ENPEP: variants seen among roughly 807,000 people sequenced by gnomAD.
ENPEP encodes AP-A.
In ENPEP, 103 loss-of-function variants were observed where a neutral mutation model predicts 114.5. The ratio of observed to expected loss-of-function variants is 0.90; its 90% CI spans 0.77 to 1.06. The LOEUF is 1.06. ENPEP is among the 50% of genes least tolerant of loss of function. ENPEP has a pLI of 0.00. For missense variants in ENPEP, 1,196 were observed against 1,161.3 expected, an observed-to-expected ratio of 1.03 and a Z score of -0.43; for synonymous variants, 420 against 422.0, an observed-to-expected ratio of 1.00 and a Z score of 0.06.
chr4:110,536,377 G>A (rs1726626630), intron 11 of ENPEP, among the ~76,000 whole-genome samples: 1 of 152,036 alleles, frequency 6.6e-6, no homozygotes, highest in African/African-American at 2.4e-5. Context: ...TCCTTCTTAT[G>A]GCTTTACCAT....
At chr4:110,557,466 G>A (rs985586202) in intron 18 of ENPEP, among the ~76,000 whole-genome samples, 7 of 152,180 alleles carry the variant, frequency 4.6e-5, no homozygotes, top group African/African-American at 1.7e-4. Context: ...AGGGAACAGA[G>A]GTTTTTAAAG....
Position 110,563,470 on chromosome 4 carries a change from C to G in ENPEP, c.*1912C>G, listed in dbSNP as rs1727740381. On this transcript the variant is annotated 3_prime_UTR_variant, in exon 20 of 20. Transcript: ENST00000265162. ...TTGTATGTACTTTGTCAGAATAAGTCTTCTAGACCATCAGGTCCTTCTCAA... is the reference window on the plus strand; with the variant it reads ...TTGTATGTACTTTGTCAGAATAAGTGTTCTAGACCATCAGGTCCTTCTCAA... 1 of 152,120 alleles carries G rather than the reference C, an allele frequency of 6.6e-6. No homozygotes were observed. Among genetic ancestry groups the G allele is most frequent in the Non-Finnish European group, 1.5e-5 (1 of 68,002 alleles). 9.4% of individuals were successfully genotyped at this position (152,120 alleles called of 1,614,324 possible).
chr4:110,508,605 A>G (rs532072514), intron 4 of ENPEP, among the ~76,000 whole-genome samples: 22 of 152,244 alleles, frequency 1.4e-4, no homozygotes, highest in African/African-American at 5.1e-4. Flanking sequence ...AGGTCAGGAG[A>G]TGGAGACCAT....
In ENPEP at chr4:110,561,528, A is replaced by G. The variant is rs751633177; in HGVS notation, c.2844A>G (p.Glu948=). ...AACAACATAGAAACACCATCAGAGA[A>G]TGGTTTTTTAATTTACTTGAGAGTG... ...WLKQHRNTIR[E]WFFNLLESG Residue 948 remains glutamate, a synonymous_variant, in exon 20 of 20, where the codon GAA becomes GAG. Coordinates refer to ENST00000265162, the MANE Select transcript of ENPEP (RefSeq NM_001977.4). 1 of 1,613,690 alleles carries G rather than the reference A, an allele frequency of 6.2e-7. No individual in the cohort carries two copies. The highest frequency in any genetic ancestry group is 8.5e-7 in the Non-Finnish European group (1 of 1,179,816).
chr4:110,513,319 T>C (rs1725647529), intron 6 of ENPEP, 96 bp from the exon 7 acceptor site: 1 of 1,361,378 alleles, frequency 7.3e-7, no homozygotes. Context: ...GTCATTTATA[T>C]TTATTTTCCT....
At chr4:110,508,932 A>G (rs1237419141) in intron 4 of ENPEP, among the ~76,000 whole-genome samples, 1 of 152,254 alleles carries the variant, frequency 6.6e-6, no homozygotes, top group Non-Finnish European at 1.5e-5. Flanking sequence ...TAATAAAGAA[A>G]TTACATTCTG....
rs199991890 is a variant in ENPEP at position 110,513,476 on chromosome 4, C to T, written c.1370C>T (p.Ser457Leu). ...CAAGAGGATGATTCTTTGATGTCTT[C>T]GCATCCAATTATTGTGACTGTGACA... Reference protein sequence around the residue: ...PVQEDDSLMSSHPIIVTVTTP... With the variant: ...PVQEDDSLMSLHPIIVTVTTP... The change falls in exon 7 of 20, where the codon TCG becomes TTG. Residue 457 changes from serine to leucine, a missense_variant. Physicochemically the swap from Ser to Leu is moderately radical, Grantham distance 145. Transcript: ENST00000265162. 1.6e-5 allele frequency: 26 copies of T among 1,613,358 alleles called. No individual in the cohort carries two copies. Among genetic ancestry groups the T allele is most frequent in the East Asian group, 2.2e-5 (1 of 44,788 alleles).
At chr4:110,551,523 G>A (rs995816599) in intron 17 of ENPEP, among the ~76,000 whole-genome samples, 2 of 152,112 alleles carry the variant, frequency 1.3e-5, no homozygotes, top group Non-Finnish European at 2.9e-5. Context: ...GCTGCAGTAC[G>A]AGCTTCCTTG....
At chr4:110,477,186 T>A in intron 1 of ENPEP, 128 bp downstream of exon 1, 2 of 1,325,134 alleles carry the variant, frequency 1.5e-6, no homozygotes, top group Non-Finnish European at 2.0e-6. Context: ...TTGGTTTCAA[T>A]TCTGGCTGTC....
chr4:110,490,916 C>T, intron 2 of ENPEP, 117 bp from the exon 3 acceptor site: 1 of 1,113,172 alleles, frequency 9.0e-7, no homozygotes, highest in Non-Finnish European at 1.3e-6. Flanking sequence ...GACCTCTAAG[C>T]TTTGACAAAG....
chr4:110,552,124 C>A (rs1337494489), intron 17 of ENPEP, among the ~76,000 whole-genome samples: 1 of 152,144 alleles, frequency 6.6e-6, no homozygotes, highest in Admixed American at 6.6e-5. Flanking sequence ...GATAGCTTCC[C>A]ATAAACAGGA....
intron 10 of ENPEP, among the ~76,000 whole-genome samples, chr4:110,521,651 C>T (rs1725994630): frequency 6.6e-6 from 1 of 151,916 alleles, no homozygotes; most frequent in Non-Finnish European, 1.5e-5. Flanking sequence ...AGATGAAGAA[C>T]TATTACACCA....
At chr4:110,532,462 C>G (rs997590419) in intron 11 of ENPEP, among the ~76,000 whole-genome samples, 2 of 152,128 alleles carry the variant, frequency 1.3e-5, no homozygotes, top group Non-Finnish European at 2.9e-5. Context: ...CAAATCATAT[C>G]CCATTATATG....
chr4:110,531,178 TC>T lies in ENPEP; in HGVS notation c.1728-19del. On this transcript the variant is annotated intron_variant, in intron 10 of 19. Coordinates refer to ENST00000265162, the MANE Select transcript of ENPEP (RefSeq NM_001977.4). ...CTTTTAGTAATAAAAGTTAAATTTT[TC>T]TTTTTAAAAAAATTTTAGTTATACA... The T allele has an allele frequency of 7.3e-7, 1 of 1,378,434 alleles. No homozygotes were observed. The highest frequency in any genetic ancestry group is 9.7e-7 in the Non-Finnish European group (1 of 1,031,090). 85.4% of individuals were successfully genotyped at this position (1,378,434 alleles called of 1,614,324 possible).
intron 3 of ENPEP, among the ~76,000 whole-genome samples, chr4:110,502,139 T>C (rs1725186914): frequency 1.3e-5 from 2 of 152,192 alleles, no homozygotes; most frequent in African/African-American, 4.8e-5. Flanking sequence ...GGGTTGTTTG[T>C]TTTTGCTTGC....
At chr4:110,542,341 C>G (rs1726880359) in intron 11 of ENPEP, among the ~76,000 whole-genome samples, 1 of 152,038 alleles carries the variant, frequency 6.6e-6, no homozygotes, top group Admixed American at 6.6e-5. Context: ...CCAGGCTGCC[C>G]TGGTGAATAT....
intron 2 of ENPEP, among the ~76,000 whole-genome samples, chr4:110,490,432 G>T (rs190122188): frequency 2.6e-5 from 4 of 152,302 alleles, no homozygotes; most frequent in Admixed American, 2.6e-4. Flanking sequence ...AGTATTCGTG[G>T]TTGAAGTGTT....
At chr4:110,521,249 A>G (rs1242264610) in intron 10 of ENPEP, among the ~76,000 whole-genome samples, 1 of 152,158 alleles carries the variant, frequency 6.6e-6, no homozygotes, top group Non-Finnish European at 1.5e-5. Flanking sequence ...TCATGCTTGT[A>G]GTCCTAGCTA....
Position 110,542,844 on chromosome 4 carries a change from C to A in ENPEP, c.1901C>A (p.Ala634Glu). 1 of 1,613,162 alleles carries A rather than the reference C, an allele frequency of 6.2e-7. No individual in the cohort carries two copies. The highest frequency in any genetic ancestry group is 8.5e-7 in the Non-Finnish European group (1 of 1,179,392). Residue 634 changes from alanine (A) to glutamate (E), a missense_variant, in exon 12 of 20, where the codon GCA becomes GAA. Physicochemically the swap from Ala to Glu is moderately radical, Grantham distance 107 (BLOSUM62 -1). Coordinates refer to ENST00000265162, the MANE Select transcript of ENPEP (RefSeq NM_001977.4). ...IGFYRVNYEV[A>E]TWDSIATALS... ...TTTTATCGTGTAAATTATGAAGTAG[C>A]AACTTGGGACTCGATAGCTACAGCG...
Sources: allele counts gnomAD v4.1 joint callset (sites outside exome capture counted in the v4.1 genomes callset), GRCh38; gene constraint gnomAD v4.1.1; transcripts MANE v1.5; gene names NCBI Gene and HGNC (gene_info 2026-07-23, HGNC 2026-07-21).